GABRB2: variants seen among roughly 807,000 people sequenced by gnomAD.
The protein encoded by GABRB2 is gamma-aminobutyric acid receptor subunit beta-2.
GABRB2 carries 16 observed loss-of-function variants against 54.7 expected under a neutral mutation model. The ratio of observed to expected loss-of-function variants is 0.29; its 90% CI spans 0.20 to 0.44. The LOEUF is 0.44. Ranked by LOEUF, GABRB2 falls within the 20% of genes least tolerant of loss-of-function variation. The pLI is 1.00. For missense variants in GABRB2, 355 were observed against 644.0 expected, an observed-to-expected ratio of 0.55 and a Z score of 4.86; for synonymous variants, 244 against 233.8, an observed-to-expected ratio of 1.04 and a Z score of -0.40.
chr5:161,543,099 T>C (rs765093727), intron 3 of GABRB2, among the ~76,000 whole-genome samples: 1 of 152,256 alleles, frequency 6.6e-6, no homozygotes, highest in Non-Finnish European at 1.5e-5. Context: ...GAATCTGGCT[T>C]GGAATTTTCA....
intron 5 of GABRB2, among the ~76,000 whole-genome samples, chr5:161,346,452 T>C (rs932952239): frequency 6.6e-6 from 1 of 152,134 alleles, no homozygotes; most frequent in Non-Finnish European, 1.5e-5. Flanking sequence ...TATGCACAAA[T>C]GTGCAATAAA....
At chr5:161,333,079 A>G (rs2113402069) in intron 7 of GABRB2, among the ~76,000 whole-genome samples, 1 of 152,362 alleles carries the variant, frequency 6.6e-6, no homozygotes, top group South Asian at 2.1e-4. Context: ...ATTTTAAAGT[A>G]TTTCTGAAAC....
chr5:161,314,736 CTCCT>C (rs756869975), intron 9 of GABRB2, among the ~76,000 whole-genome samples: 86 of 152,008 alleles, frequency 5.7e-4, no homozygotes, highest in Non-Finnish European at 8.2e-4. Context: ...CTTTCCCTCC[CTCCT>C]TCCTTCCTTC....
intron 4 of GABRB2, among the ~76,000 whole-genome samples, chr5:161,427,265 G>T (rs192717384): frequency 1.3e-5 from 2 of 152,170 alleles, no homozygotes; most frequent in South Asian, 4.1e-4. Context: ...GTGATGATCA[G>T]CTGTTCACAT....
At chr5:161,417,491 A>G (rs1266594014) in intron 4 of GABRB2, among the ~76,000 whole-genome samples, 1 of 152,192 alleles carries the variant, frequency 6.6e-6, no homozygotes, top group African/African-American at 2.4e-5. Flanking sequence ...TTTTAACTAG[A>G]ATGTGGTAGC....
At chr5:161,317,495 A>C (rs568020148) in intron 9 of GABRB2, among the ~76,000 whole-genome samples, 1 of 152,338 alleles carries the variant, frequency 6.6e-6, no homozygotes, top group South Asian at 2.1e-4. Flanking sequence ...TTGCACTAAC[A>C]ATAACTCATC....
chr5:161,472,047 TC>T (rs1384575191), intron 3 of GABRB2, among the ~76,000 whole-genome samples: 4 of 151,864 alleles, frequency 2.6e-5, no homozygotes, highest in Non-Finnish European at 4.4e-5. Context: ...ACACCATGTT[TC>T]ATAAAACAAG....
intron 3 of GABRB2, among the ~76,000 whole-genome samples, chr5:161,460,954 G>A (rs1288410538): frequency 6.6e-6 from 1 of 152,142 alleles, no homozygotes; most frequent in Non-Finnish European, 1.5e-5. Context: ...GCTGAGCAGA[G>A]GGGAATCTGT....
At chr5:161,506,219 C>T (rs912130249) in intron 3 of GABRB2, among the ~76,000 whole-genome samples, 4 of 151,894 alleles carry the variant, frequency 2.6e-5, no homozygotes, top group Non-Finnish European at 4.4e-5. Context: ...AACAAATGGG[C>T]AAAACCTCTA....
intron 3 of GABRB2, among the ~76,000 whole-genome samples, chr5:161,492,704 G>T (rs931787289): frequency 1.3e-4 from 20 of 151,286 alleles, no homozygotes; most frequent in Admixed American, 6.6e-5. Flanking sequence ...ATGCTCCTTT[G>T]TTACCAGTTT....
At chr5:161,309,619 A>G (rs577284405) in intron 9 of GABRB2, among the ~76,000 whole-genome samples, 41 of 151,546 alleles carry the variant, frequency 2.7e-4, no homozygotes, top group Middle Eastern at 3.4e-3. Flanking sequence ...AATGCCCATC[A>G]GTGATAGACT....
intron 9 of GABRB2, among the ~76,000 whole-genome samples, chr5:161,297,721 T>G (rs1402154897): frequency 6.6e-6 from 1 of 152,186 alleles, no homozygotes; most frequent in Non-Finnish European, 1.5e-5. Context: ...TTTGCTATTG[T>G]GAATAGTGTT....
Position 161,289,833 on chromosome 5 carries a change from G to T in GABRB2, c.*4248C>A, listed in dbSNP as rs1757190048. ...TGTGTGACTGTGTGTGACTGTGTGT[G>T]TGATAGCAAATTGAAACCCTTCTGT... On this transcript the variant is annotated 3_prime_UTR_variant, in exon 10 of 10. Transcript: ENST00000393959. The T allele has an allele frequency of 1.3e-5, 2 of 151,458 alleles. No homozygotes were observed. The highest frequency in any genetic ancestry group is 4.2e-4 in the South Asian group (2 of 4,810). 9.4% of individuals were successfully genotyped at this position (151,458 alleles called of 1,614,324 possible). A position where few individuals can be genotyped will look rare whatever the true frequency, so the allele number is the denominator to read the frequency against.
At chr5:161,379,008 TCTC>T (rs1393263559) in intron 5 of GABRB2, among the ~76,000 whole-genome samples, 2 of 152,152 alleles carry the variant, frequency 1.3e-5, no homozygotes, top group Non-Finnish European at 2.9e-5. Flanking sequence ...AGAAATTTGA[TCTC>T]CTCATTTTCA....
At chr5:161,346,111 T>C (rs1754312988) in intron 5 of GABRB2, among the ~76,000 whole-genome samples, 2 of 152,120 alleles carry the variant, frequency 1.3e-5, no homozygotes, top group African/African-American at 4.8e-5. Flanking sequence ...CAGTACCTGT[T>C]TATAAAAGGT....
rs879560167 is a variant in GABRB2 at position 161,452,692 on chromosome 5, A to AT, written c.458+6931dup. Among the ~76,000 whole-genome samples the AT allele has an allele frequency of 5.7e-4, 84 of 148,220 alleles. 1 individual carries two copies. The South Asian group carries it at 8.8e-3, about 15-fold the overall frequency. ...TGCACTTATACCTCCTGAACCTAAA[A>AT]TTTTTTTTTTTTAATTGTAGGCCAA... On this transcript the variant is annotated intron_variant, in intron 4 of 9. Coordinates refer to ENST00000393959, the MANE Select transcript of GABRB2 (RefSeq NM_001371727.1).
At chr5:161,403,240 GA>G (rs1217636098) in intron 5 of GABRB2, among the ~76,000 whole-genome samples, 2 of 152,142 alleles carry the variant, frequency 1.3e-5, no homozygotes, top group East Asian at 1.9e-4. Context: ...AAATAGAGGG[GA>G]AAAAATGAAT....
chr5:161,356,045 A>C (rs925402008), intron 5 of GABRB2, among the ~76,000 whole-genome samples: 4 of 152,100 alleles, frequency 2.6e-5, no homozygotes, highest in Non-Finnish European at 5.9e-5. Flanking sequence ...TGGTTTTAGG[A>C]AATAAAAGGA....
intron 5 of GABRB2, among the ~76,000 whole-genome samples, chr5:161,381,535 T>C (rs760388439): frequency 2.0e-5 from 3 of 152,158 alleles, no homozygotes; most frequent in Non-Finnish European, 4.4e-5. Context: ...AGATGTACTC[T>C]GACATGGTTG....
Sources: allele counts gnomAD v4.1 joint callset (sites outside exome capture counted in the v4.1 genomes callset), GRCh38; gene constraint gnomAD v4.1.1; transcripts MANE v1.5; gene names NCBI Gene and HGNC (gene_info 2026-07-23, HGNC 2026-07-21).